KALRN: variants seen among roughly 807,000 people sequenced by gnomAD.
The protein encoded by KALRN is kalirin RhoGEF kinase, also known as kalirin.
KALRN carries 70 observed loss-of-function variants against 353.7 expected under a neutral mutation model. The observed-to-expected ratio is 0.20, with a 90% CI of 0.16 to 0.24. KALRN has a LOEUF of 0.24. KALRN is among the 10% of genes least tolerant of loss of function. The pLI, the probability that KALRN is intolerant of heterozygous loss-of-function variation, is 1.00. For synonymous variants in KALRN, 1,391 were observed against 1,434.8 expected, an observed-to-expected ratio of 0.97 and a Z score of 0.69; for missense variants, 2,791 against 3,756.7, an observed-to-expected ratio of 0.74 and a Z score of 6.72.
intron 3 of KALRN, among the ~76,000 whole-genome samples, chr3:124,261,821 C>G (rs1267192329): frequency 6.6e-6 from 1 of 152,134 alleles, no homozygotes; most frequent in Non-Finnish European, 1.5e-5. Flanking sequence ...GTTGCCGAAC[C>G]TGACATAGTT....
intron 31 of KALRN, among the ~76,000 whole-genome samples, chr3:124,492,315 G>A (rs2063252796): frequency 6.6e-6 from 1 of 152,160 alleles, no homozygotes; most frequent in Non-Finnish European, 1.5e-5. Flanking sequence ...GCCATGCTAG[G>A]TGAACATCCT....
At chr3:124,048,257 T>G (rs1361712455) in intron 1 of KALRN, among the ~76,000 whole-genome samples, 1 of 152,208 alleles carries the variant, frequency 6.6e-6, no homozygotes, top group Non-Finnish European at 1.5e-5. Flanking sequence ...AAAACAAAAG[T>G]ATAAGATATA....
intron 6 of KALRN, among the ~76,000 whole-genome samples, chr3:124,307,736 G>GA (rs2077847993): frequency 6.6e-6 from 1 of 151,756 alleles, no homozygotes; most frequent in Non-Finnish European, 1.5e-5. Context: ...AAGACATATA[G>GA]AAAAAAGTCA....
chr3:124,196,720 T>C (rs1355507088), intron 1 of KALRN, among the ~76,000 whole-genome samples: 1 of 152,246 alleles, frequency 6.6e-6, no homozygotes, highest in Non-Finnish European at 1.5e-5. Context: ...CATGAACATC[T>C]TTCAATGTTG....
intron 4 of KALRN, among the ~76,000 whole-genome samples, chr3:124,267,708 G>A (rs2073728842): frequency 6.6e-6 from 1 of 152,240 alleles, no homozygotes. Flanking sequence ...GGAACAAAGA[G>A]GGGATGCTCA....
chr3:124,576,930 A>G (rs2074161209), intron 34 of KALRN, among the ~76,000 whole-genome samples: 2 of 152,168 alleles, frequency 1.3e-5, no homozygotes, highest in Non-Finnish European at 2.9e-5. Flanking sequence ...CGTTTTTGGA[A>G]GTAGATAAAA....
intron 37 of KALRN, among the ~76,000 whole-genome samples, chr3:124,645,220 G>A (rs982564827): frequency 6.6e-6 from 1 of 152,134 alleles, no homozygotes; most frequent in African/African-American, 2.4e-5. Context: ...GTAGATTCTG[G>A]ATATTAGCCC....
chr3:124,373,202 A>G (rs2086103379), intron 10 of KALRN, among the ~76,000 whole-genome samples: 1 of 152,098 alleles, frequency 6.6e-6, no homozygotes, highest in Admixed American at 6.5e-5. Flanking sequence ...GGAAGGTTGT[A>G]TGATCTTTCT....
intron 1 of KALRN, among the ~76,000 whole-genome samples, chr3:124,073,891 A>G (rs2060137085): frequency 6.6e-6 from 1 of 152,138 alleles, no homozygotes; most frequent in Non-Finnish European, 1.5e-5. Flanking sequence ...TGATTTCTCC[A>G]TCAAGGCACT....
intron 34 of KALRN, among the ~76,000 whole-genome samples, chr3:124,574,303 G>A (rs1465978991): frequency 6.6e-6 from 1 of 152,256 alleles, no homozygotes; most frequent in African/African-American, 2.4e-5. Flanking sequence ...TCCATGGAAA[G>A]AGCTGGTCTC....
chr3:124,500,617 A>G (rs1287970137), intron 33 of KALRN, among the ~76,000 whole-genome samples: 1 of 152,248 alleles, frequency 6.6e-6, no homozygotes, highest in African/African-American at 2.4e-5. Flanking sequence ...TGGGTGCCTC[A>G]GTAAATGGCA....
chr3:124,409,221 A>G (rs990887443), intron 13 of KALRN, among the ~76,000 whole-genome samples: 1 of 152,206 alleles, frequency 6.6e-6, no homozygotes. Context: ...AGGAGAAAGC[A>G]AAATAGGTTG....
intron 9 of KALRN, among the ~76,000 whole-genome samples, chr3:124,341,764 G>C (rs1190641239): frequency 6.6e-6 from 1 of 152,186 alleles, no homozygotes; most frequent in African/African-American, 2.4e-5. Context: ...TGAGAGACAG[G>C]CCTGTGGGCA....
chr3:124,222,056 G>A (rs2077977936), intron 1 of KALRN, among the ~76,000 whole-genome samples: 1 of 152,178 alleles, frequency 6.6e-6, no homozygotes, highest in African/African-American at 2.4e-5. Flanking sequence ...AAGCAGACTG[G>A]CTTCTCTGTC....
intron 43 of KALRN, among the ~76,000 whole-genome samples, chr3:124,660,076 T>C (rs2084637862): frequency 6.6e-6 from 1 of 151,916 alleles, no homozygotes; most frequent in Non-Finnish European, 1.5e-5. Flanking sequence ...GGACAACAGA[T>C]GCATGTCATC....
chr3:124,488,463 G>A lies in KALRN; in HGVS notation c.4396+148G>A, dbSNP rs147951392. On this transcript the variant is annotated intron_variant, in intron 29 of 59. Coordinates refer to ENST00000682506, the MANE Select transcript of KALRN (RefSeq NM_001388419.1). ...AAGTAGTTACATAGGCCCTTGTCAT[G>A]TGAGAGGGGCTCCACAAGGACCAAT... is the stretch of plus-strand genomic sequence containing the variant. 1.1e-3 allele frequency: 688 copies of A among 624,574 alleles called. 2 individuals carry two copies. Among genetic ancestry groups the A allele is most frequent in the Non-Finnish European group, 1.8e-3 (624 of 347,838 alleles). 38.7% of individuals were successfully genotyped at this position (624,574 alleles called of 1,614,324 possible).
intron 33 of KALRN, among the ~76,000 whole-genome samples, chr3:124,526,234 T>TA (rs1482333542): frequency 1.3e-5 from 2 of 152,066 alleles, no homozygotes; most frequent in Non-Finnish European, 2.9e-5. Flanking sequence ...GCTATAATAG[T>TA]AAAAAATCTG....
At chr3:124,322,645 C>T (rs568906577) in intron 6 of KALRN, among the ~76,000 whole-genome samples, 1 of 152,204 alleles carries the variant, frequency 6.6e-6, no homozygotes, top group Admixed American at 6.5e-5. Context: ...CCAGAAGAAC[C>T]ACACAAATGG....
At chr3:124,094,206 A>G (rs1425736788) in intron 1 of KALRN, 2 of 155,422 alleles carry the variant, frequency 1.3e-5, no homozygotes, top group African/African-American at 4.8e-5. Flanking sequence ...TTCAAAGCCC[A>G]TGCTGTCTCT....
Sources: allele counts gnomAD v4.1 joint callset (sites outside exome capture counted in the v4.1 genomes callset), GRCh38; gene constraint gnomAD v4.1.1; transcripts MANE v1.5; gene names NCBI Gene and HGNC (gene_info 2026-07-23, HGNC 2026-07-21).